PDZRN3: variants seen among roughly 807,000 people sequenced by gnomAD.
PDZRN3 encodes PDZ domain containing ring finger 3.
PDZRN3 carries 38 observed loss-of-function variants against 85.7 expected under a neutral mutation model. The ratio of observed to expected loss-of-function variants is 0.44; its 90% confidence interval spans 0.34 to 0.58. The LOEUF (loss-of-function observed/expected upper bound fraction) is 0.58, where lower values mean the gene tolerates loss of function less well. Among genes scored for constraint, PDZRN3 ranks in the 20% least tolerant of loss-of-function variants. The pLI is 0.01. For synonymous variants in PDZRN3, 759 were observed against 638.0 expected (o/e 1.19, Z -2.86); for missense variants, 1,629 against 1,506.4 (o/e 1.08, Z -1.35).
At chr3:73,461,415 TGTC>T (rs1476224783) in intron 3 of PDZRN3, among the ~76,000 whole-genome samples, 7 of 152,232 alleles carry the variant, frequency 4.6e-5, no homozygotes, top group African/African-American at 1.7e-4. Flanking sequence ...CATTTGGACA[TGTC>T]TCCCATTTAA....
chr3:73,486,235 A>C (rs1210191505), intron 3 of PDZRN3, among the ~76,000 whole-genome samples: 1 of 152,170 alleles, frequency 6.6e-6, no homozygotes, highest in East Asian at 1.9e-4. Context: ...CAACAGCTTG[A>C]ATTTGACTCT....
At chr3:73,475,714 G>A (rs2106895013) in intron 3 of PDZRN3, among the ~76,000 whole-genome samples, 1 of 152,264 alleles carries the variant, frequency 6.6e-6, no homozygotes. Flanking sequence ...TTTTACCTAG[G>A]GGTTGCTATA....
chr3:73,442,823 C>T (rs1702668115), intron 3 of PDZRN3, among the ~76,000 whole-genome samples: 1 of 152,110 alleles, frequency 6.6e-6, no homozygotes. Flanking sequence ...TGTGGTCCCC[C>T]CATGCCACAG....
chr3:73,466,385 C>CA (rs1394724945), intron 3 of PDZRN3, among the ~76,000 whole-genome samples: 1 of 150,924 alleles, frequency 6.6e-6, no homozygotes, highest in Non-Finnish European at 1.5e-5. Flanking sequence ...GTGGTCTTAA[C>CA]AAAAAACCTA....
chr3:73,540,168 A>T (rs191577354), intron 3 of PDZRN3, among the ~76,000 whole-genome samples: 438 of 151,748 alleles, frequency 2.9e-3, no homozygotes, highest in Middle Eastern at 6.8e-3. Flanking sequence ...GAAAAATTTT[A>T]AAAAAATTCT....
chr3:73,618,868 G>A (rs1702808471), intron 1 of PDZRN3, among the ~76,000 whole-genome samples: 1 of 151,994 alleles, frequency 6.6e-6, no homozygotes, highest in African/African-American at 2.4e-5. Context: ...CTTTTTTTTA[G>A]CAGAAGTGCG....
intron 3 of PDZRN3, among the ~76,000 whole-genome samples, chr3:73,499,555 C>A (rs1034668934): frequency 5.3e-5 from 8 of 152,206 alleles, no homozygotes; most frequent in African/African-American, 1.9e-4. Context: ...ATATTAACAA[C>A]CACAAGTTCT....
intron 3 of PDZRN3, among the ~76,000 whole-genome samples, chr3:73,532,151 C>T (rs1487459498): frequency 5.9e-5 from 9 of 152,044 alleles, no homozygotes; most frequent in African/African-American, 2.2e-4. Context: ...CAGGCGCCCA[C>T]CACCACGCCC....
chr3:73,520,220 T>G (rs566359873), intron 3 of PDZRN3, among the ~76,000 whole-genome samples: 1 of 152,258 alleles, frequency 6.6e-6, no homozygotes, highest in South Asian at 2.1e-4. Context: ...AAGAGTAAAC[T>G]AGGCCAGGTG....
At chr3:73,475,813 G>C (rs1317680403) in intron 3 of PDZRN3, among the ~76,000 whole-genome samples, 1 of 152,222 alleles carries the variant, frequency 6.6e-6, no homozygotes. Context: ...AAAAGCTGGA[G>C]TGAAGAAATG....
At chr3:73,430,727 C>A (rs1702414599) in intron 3 of PDZRN3, among the ~76,000 whole-genome samples, 2 of 152,200 alleles carry the variant, frequency 1.3e-5, no homozygotes, top group South Asian at 4.1e-4. Flanking sequence ...CCACCCTTAG[C>A]TGGATTCCAG....
intron 3 of PDZRN3, among the ~76,000 whole-genome samples, chr3:73,431,540 G>C (rs973755754): frequency 5.9e-5 from 9 of 152,186 alleles, no homozygotes; most frequent in Admixed American, 2.0e-4. Context: ...TGCATAATAA[G>C]AGCGAGAATG....
At chr3:73,487,128 G>A (rs1446769851) in intron 3 of PDZRN3, among the ~76,000 whole-genome samples, 1 of 151,294 alleles carries the variant, frequency 6.6e-6, no homozygotes, top group African/African-American at 2.4e-5. Context: ...TTTTAATAGG[G>A]GCATCTAAAT....
Position 73,514,789 on chromosome 3 carries a change from T to C in PDZRN3, c.918+87565A>G, listed in dbSNP as rs56660676. Reference sequence around the variant, plus strand: ...ACAATCTTGAGCTAAAATTGTACAGTTGTAGTCCAACAATAATGGCAGATA... The same window carrying C: ...ACAATCTTGAGCTAAAATTGTACAGCTGTAGTCCAACAATAATGGCAGATA... On this transcript the variant is annotated intron_variant, in intron 3 of 9. Transcript: ENST00000263666. 3.5e-3 allele frequency among the ~76,000 whole-genome samples: 533 copies of C among 152,310 alleles called. 4 individuals carry two copies. The highest frequency in any genetic ancestry group is 0.012 in the African/African-American group (503 of 41,572).
intron 7 of PDZRN3, among the ~76,000 whole-genome samples, chr3:73,389,487 C>A (rs1204155697): frequency 6.6e-6 from 1 of 152,162 alleles, no homozygotes; most frequent in Non-Finnish European, 1.5e-5. Context: ...AAGTTGTAAA[C>A]TGTTGGCCTG....
intron 3 of PDZRN3, among the ~76,000 whole-genome samples, chr3:73,419,636 A>T (rs188139241): frequency 6.6e-6 from 1 of 152,290 alleles, no homozygotes; most frequent in African/African-American, 2.4e-5. Context: ...AACTGTGAGT[A>T]TGAAGCTCTC....
intron 3 of PDZRN3, among the ~76,000 whole-genome samples, chr3:73,451,507 T>G (rs1237517630): frequency 6.6e-6 from 1 of 152,132 alleles, no homozygotes; most frequent in Non-Finnish European, 1.5e-5. Flanking sequence ...CACTGATTAG[T>G]CCAACAGAGA....
intron 3 of PDZRN3, among the ~76,000 whole-genome samples, chr3:73,521,721 CG>C (rs1671985653): frequency 6.6e-6 from 1 of 152,170 alleles, no homozygotes; most frequent in Non-Finnish European, 1.5e-5. Context: ...CACCCTGCAA[CG>C]CCTCTCCAAG....
At chr3:73,457,530 C>A (rs116066990) in intron 3 of PDZRN3, among the ~76,000 whole-genome samples, 1 of 152,054 alleles carries the variant, frequency 6.6e-6, no homozygotes, top group Non-Finnish European at 1.5e-5. Flanking sequence ...TCCTAGGGTG[C>A]GTGCTGTTCC....
Sources: allele counts gnomAD v4.1 joint callset (sites outside exome capture counted in the v4.1 genomes callset), GRCh38; gene constraint gnomAD v4.1.1; transcripts MANE v1.5; gene names NCBI Gene and HGNC (gene_info 2026-07-23, HGNC 2026-07-21).